Variants in MYO1B observed in about 807,000 individuals in gnomAD.
MYO1B encodes the protein myosin IB.
Under a neutral mutation model 159.7 loss-of-function variants are expected in MYO1B, and 72 were observed. The observed-to-expected ratio is 0.45, with a 90% CI of 0.37 to 0.55. The LOEUF is 0.55. Among genes scored for constraint, MYO1B ranks in the 20% least tolerant of loss-of-function variants. MYO1B has a pLI of 0.00. For synonymous variants in MYO1B, 468 were observed against 473.8 expected (o/e 0.99, Z 0.16); for missense variants, 1,062 against 1,364.8 (o/e 0.78, Z 3.50).
chr2:191,284,349 G>A (rs1246861660), intron 2 of MYO1B, among the ~76,000 whole-genome samples: 1 of 152,170 alleles, frequency 6.6e-6, no homozygotes, highest in Non-Finnish European at 1.5e-5. Context: ...TGGAAGGAGT[G>A]GAGGGTGAAA....
At chr2:191,248,999 T>C (rs946864929) in intron 1 of MYO1B, among the ~76,000 whole-genome samples, 2 of 152,212 alleles carry the variant, frequency 1.3e-5, no homozygotes, top group African/African-American at 4.8e-5. Flanking sequence ...ATGAATAAGC[T>C]GTAAGTGAAT....
intron 26 of MYO1B, among the ~76,000 whole-genome samples, chr2:191,409,721 C>A (rs1159306895): frequency 6.6e-6 from 1 of 152,154 alleles, no homozygotes; most frequent in Non-Finnish European, 1.5e-5. Context: ...CTGTTTTATA[C>A]TGCCTTTTAT....
At chr2:191,349,909 A>G (rs1559190545) in intron 6 of MYO1B, among the ~76,000 whole-genome samples, 1 of 152,186 alleles carries the variant, frequency 6.6e-6, no homozygotes, top group East Asian at 1.9e-4. Context: ...TAAATGGAAA[A>G]ATCACATGAT....
intron 13 of MYO1B, among the ~76,000 whole-genome samples, chr2:191,372,777 G>A (rs974972384): frequency 6.7e-6 from 1 of 150,374 alleles, no homozygotes; most frequent in Non-Finnish European, 1.5e-5. Context: ...CTCCATACCT[G>A]TCTTGCTGAA....
At chr2:191,258,078 G>A (rs531827037) in intron 1 of MYO1B, among the ~76,000 whole-genome samples, 2 of 152,172 alleles carry the variant, frequency 1.3e-5, no homozygotes, top group South Asian at 4.1e-4. Context: ...CTTAATGATG[G>A]GTATACATTC....
rs1382607329 is a variant in MYO1B at position 191,296,179 on chromosome 2, A to C, written c.204A>C (p.Lys68Asn). 1 of 1,610,438 alleles carries C rather than the reference A, an allele frequency of 6.2e-7. No homozygotes were observed. The highest frequency in any genetic ancestry group is 8.5e-7 in the Non-Finnish European group (1 of 1,177,392). The change falls in exon 3 of 31, where the codon AAA becomes AAC. Residue 68 changes from lysine to asparagine, a missense_variant. Lys to Asn is a moderately conservative substitution (Grantham distance 94). This residue lies in a region of MYO1B where 415 missense variants were observed against 544.0 expected (regional missense o/e 0.76). Coordinates refer to ENST00000392318, the MANE Select transcript of MYO1B (RefSeq NM_001130158.3). ...YRSLPIYSPE[K>N]VEEYRNRNFY... ...CTTTACCCATTTATTCACCAGAGAA[A>C]GTGGAAGAATACAGGAACAGAAATT... is the stretch of plus-strand genomic sequence containing the variant.
chr2:191,411,236 C>T (rs1157688118), intron 27 of MYO1B, 64 bp downstream of exon 27: 164 of 1,042,664 alleles, frequency 1.6e-4, no homozygotes, highest in African/African-American at 2.4e-4. Context: ...TATATTTGTA[C>T]GCCGTTTTGC....
At chr2:191,254,631 A>G (rs1559118916) in intron 1 of MYO1B, among the ~76,000 whole-genome samples, 1 of 151,778 alleles carries the variant, frequency 6.6e-6, no homozygotes, top group African/African-American at 2.4e-5. Flanking sequence ...TCAGCTTCCC[A>G]AGTAACTAGG....
At chr2:191,273,835 G>T (rs967313197) in intron 1 of MYO1B, among the ~76,000 whole-genome samples, 2 of 152,186 alleles carry the variant, frequency 1.3e-5, no homozygotes, top group African/African-American at 2.4e-5. Context: ...TCTTCTAATG[G>T]TTTATGGAAA....
At chr2:191,359,674 T>G (rs1293704025) in intron 7 of MYO1B, among the ~76,000 whole-genome samples, 1 of 152,204 alleles carries the variant, frequency 6.6e-6, no homozygotes, top group African/African-American at 2.4e-5. Flanking sequence ...AAATGGCACA[T>G]CATTCTCTCC....
intron 30 of MYO1B, among the ~76,000 whole-genome samples, chr2:191,417,705 T>C (rs1287997053): frequency 6.6e-6 from 1 of 152,236 alleles, no homozygotes; most frequent in East Asian, 1.9e-4. Flanking sequence ...TACAGGATGC[T>C]AATAACGATG....
intron 3 of MYO1B, among the ~76,000 whole-genome samples, chr2:191,318,503 C>T (rs1246292803): frequency 1.3e-5 from 2 of 152,166 alleles, no homozygotes; most frequent in African/African-American, 4.8e-5. Context: ...TGATGCCTGT[C>T]TCCAGATTAC....
Position 191,296,117 on chromosome 2 carries a change from A to G in MYO1B, c.142A>G (p.Ile48Val), listed in dbSNP as rs1688969470. 1 of 1,575,128 alleles carries G rather than the reference A, an allele frequency of 6.3e-7. No individual in the cohort carries two copies. The highest frequency in any genetic ancestry group is 8.7e-7 in the Non-Finnish European group (1 of 1,153,194). Reference sequence around the variant, plus strand: ...TTTGTTCTTTCTTTTGCAGACATACATTGGAAGTGTGGTTATATCTGTTAA... The same window carrying G: ...TTTGTTCTTTCTTTTGCAGACATACGTTGGAAGTGTGGTTATATCTGTTAA... ...RFDHSEIYTY[I>V]GSVVISVNPY... Residue 48 changes from isoleucine (I) to valine (V), a missense_variant, in exon 3 of 31, where the codon ATT becomes GTT. Physicochemically the swap from Ile to Val is conservative, Grantham distance 29. Around this residue, in one of 5 missense-constraint regions of MYO1B, gnomAD observed 415 missense variants for 544.0 expected, o/e 0.76. Coordinates refer to ENST00000392318, the MANE Select transcript of MYO1B (RefSeq NM_001130158.3).
Position 191,354,891 on chromosome 2 carries a change from A to G in MYO1B, c.562+4666A>G, listed in dbSNP as rs1391354700. On this transcript the variant is annotated intron_variant, in intron 7 of 30. Transcript: ENST00000392318. The stretch of plus-strand genomic sequence containing the variant: ...GTGTCAAATAATTGGTAATCATTTT[A>G]TTTTAGACAGCCACTGTCTGATAGA... Among the ~76,000 whole-genome samples the G allele has an allele frequency of 2.6e-5, 4 of 152,154 alleles. No homozygotes were observed. The East Asian group carries it at 7.7e-4, about 29-fold the overall frequency.
At chr2:191,300,785 A>C (rs1050711890) in intron 3 of MYO1B, among the ~76,000 whole-genome samples, 2 of 151,420 alleles carry the variant, frequency 1.3e-5, no homozygotes, top group East Asian at 1.9e-4. Context: ...TTTGGAATTT[A>C]ATTTGAGCTG....
At chr2:191,373,475 T>C (rs1251549033) in intron 13 of MYO1B, among the ~76,000 whole-genome samples, 1 of 152,172 alleles carries the variant, frequency 6.6e-6, no homozygotes, top group Non-Finnish European at 1.5e-5. Context: ...TGTAAAACAT[T>C]GGGCCTCACC....
intron 7 of MYO1B, among the ~76,000 whole-genome samples, chr2:191,356,477 T>C (rs941001520): frequency 6.6e-6 from 1 of 151,958 alleles, no homozygotes; most frequent in Non-Finnish European, 1.5e-5. Flanking sequence ...GACTTCGTAA[T>C]GGGTGGCTTT....
chr2:191,321,691 G>C (rs1690725066), intron 3 of MYO1B, among the ~76,000 whole-genome samples: 1 of 152,120 alleles, frequency 6.6e-6, no homozygotes, highest in Admixed American at 6.6e-5. Flanking sequence ...CATATGCGTT[G>C]GGGTTCAGAT....
intron 5 of MYO1B, 111 bp downstream of exon 5, chr2:191,341,676 G>A (rs1384440369): frequency 6.2e-6 from 5 of 803,938 alleles, no homozygotes; most frequent in East Asian, 2.7e-5. Context: ...GAAGAGGAAG[G>A]AAGAGATTCA....
Sources: gnomAD v4.1 joint callset for allele counts (sites outside exome capture counted in the v4.1 genomes callset) on GRCh38, gnomAD v4.1.1 for gene constraint, gnomAD v4.1.1 regional missense constraint, MANE v1.5 for transcripts, NCBI Gene and HGNC (gene_info 2026-07-23, HGNC 2026-07-21) for gene names.